AIDA: variants seen among roughly 807,000 people sequenced by gnomAD.
AIDA encodes axin interactor, dorsalization associated, also known as axin interactor, dorsalization-associated protein.
Under a neutral mutation model 42.7 loss-of-function variants are expected in AIDA, and 18 were observed. The ratio of observed to expected loss-of-function variants is 0.42; its 90% CI spans 0.29 to 0.63. AIDA has a LOEUF of 0.63. AIDA is among the 20% of genes least tolerant of loss of function. AIDA has a pLI of 0.19. For missense variants in AIDA, 250 were observed against 354.1 expected, an observed-to-expected ratio of 0.71 and a Z score of 2.36; for synonymous variants, 104 against 122.9, an observed-to-expected ratio of 0.85 and a Z score of 1.02.
intron 6 of AIDA, among the ~76,000 whole-genome samples, chr1:222,677,241 G>A (rs935390309): frequency 2.6e-5 from 4 of 152,002 alleles, no homozygotes; most frequent in African/African-American, 7.2e-5. Flanking sequence ...TACCTCTGCT[G>A]GCAGGAAGAA....
chr1:222,689,693 AAAAGTT>A (rs1238793737), intron 4 of AIDA, among the ~76,000 whole-genome samples: 1 of 151,112 alleles, frequency 6.6e-6, no homozygotes, highest in Non-Finnish European at 1.5e-5. Flanking sequence ...AAAAGTTTTA[AAAAGTT>A]AAAGTTAATA....
rs150723420 is a variant in AIDA at position 222,710,325 on chromosome 1, A to C, written c.110+1883T>G. ...GAGGACTACTAGAATCATGAAGTTC[A>C]ATGGTTAGTACTGAGGTCCAACAAT... On this transcript the variant is annotated intron_variant, in intron 1 of 9. Coordinates refer to ENST00000340020, the MANE Select transcript of AIDA (RefSeq NM_022831.4). Among the ~76,000 whole-genome samples, 226 of 152,352 alleles carry C rather than the reference A, an allele frequency of 1.5e-3. 6 individuals are homozygous for C. The South Asian group carries it at 0.021, about 14-fold the overall frequency.
chr1:222,673,710 G>A lies in AIDA; in HGVS notation c.584-275C>T, dbSNP rs374143186. On this transcript the variant is annotated intron_variant, in intron 7 of 9. Transcript: ENST00000340020. Reference sequence around the variant, plus strand: ...GGAGAATGGCGTGAACCCAGGAGGCGGAGCTTGCAGTGAGCCGAGATCGCA... The same window carrying A: ...GGAGAATGGCGTGAACCCAGGAGGCAGAGCTTGCAGTGAGCCGAGATCGCA... Among the ~76,000 whole-genome samples the A allele has an allele frequency of 9.4e-4, 143 of 151,594 alleles. 3 individuals carry two copies. Among genetic ancestry groups the A allele is most frequent in the African/African-American group, 1.6e-3 (65 of 41,292 alleles).
chr1:222,702,198 A>C (rs1266563254), intron 2 of AIDA, among the ~76,000 whole-genome samples: 1 of 152,192 alleles, frequency 6.6e-6, no homozygotes, highest in East Asian at 1.9e-4. Flanking sequence ...ATTCCTATAA[A>C]TAAGAGTCAA....
intron 4 of AIDA, among the ~76,000 whole-genome samples, chr1:222,693,473 A>G (rs1328257915): frequency 6.6e-6 from 1 of 152,200 alleles, no homozygotes; most frequent in Non-Finnish European, 1.5e-5. Flanking sequence ...ATCAATGACT[A>G]AAGCTTTATA....
At chr1:222,693,027 C>A (rs1655410026) in intron 4 of AIDA, among the ~76,000 whole-genome samples, 1 of 152,068 alleles carries the variant, frequency 6.6e-6, no homozygotes. Context: ...TGAAACAGAG[C>A]AAATCATTTC....
chr1:222,703,290 C>G, intron 1 of AIDA, 73 bp from the exon 2 acceptor site: 3 of 1,152,522 alleles, frequency 2.6e-6, no homozygotes, highest in Non-Finnish European at 3.7e-6. Flanking sequence ...CAATTTAAAG[C>G]TTTTTAACAT....
At chr1:222,696,234 AC>A (rs545668412) in intron 2 of AIDA, among the ~76,000 whole-genome samples, 40 of 152,340 alleles carry the variant, frequency 2.6e-4, no homozygotes, top group African/African-American at 9.6e-4. Context: ...CTCTCAAACA[AC>A]TGTTGCATAG....
chr1:222,706,815 C>G (rs1180090092), intron 1 of AIDA, among the ~76,000 whole-genome samples: 2 of 150,600 alleles, frequency 1.3e-5, no homozygotes, highest in Non-Finnish European at 3.0e-5. Context: ...AGATCACCCC[C>G]CTGCACTCCG....
intron 2 of AIDA, among the ~76,000 whole-genome samples, chr1:222,698,639 C>T (rs1448772793): frequency 1.3e-5 from 2 of 151,814 alleles, no homozygotes; most frequent in Admixed American, 6.6e-5. Flanking sequence ...TTAGTAGAGA[C>T]GGGGTTTCTC....
chr1:222,679,553 AC>A (rs1452367451), intron 6 of AIDA, among the ~76,000 whole-genome samples: 2 of 152,214 alleles, frequency 1.3e-5, no homozygotes, highest in Non-Finnish European at 2.9e-5. Flanking sequence ...ACATGTACTA[AC>A]TCATTTAATC....
At chr1:222,674,137 T>C (rs1369014354) in intron 7 of AIDA, among the ~76,000 whole-genome samples, 2 of 152,128 alleles carry the variant, frequency 1.3e-5, no homozygotes, top group African/African-American at 4.8e-5. Flanking sequence ...AGGGCGTATA[T>C]TTCATAAGGA....
At chr1:222,670,282 A>C (rs1299525106) in intron 8 of AIDA, 32 bp from the exon 9 acceptor site, 1 of 1,532,560 alleles carries the variant, frequency 6.5e-7, no homozygotes, top group Non-Finnish European at 9.0e-7. Flanking sequence ...CATAAACCAC[A>C]GATAGCACAT....
At chr1:222,701,301 T>A (rs1655697131) in intron 2 of AIDA, among the ~76,000 whole-genome samples, 1 of 152,144 alleles carries the variant, frequency 6.6e-6, no homozygotes. Context: ...GTGTTTTAGG[T>A]CAAATCACTT....
chr1:222,678,812 T>TA (rs932585359), intron 6 of AIDA, among the ~76,000 whole-genome samples: 1 of 152,198 alleles, frequency 6.6e-6, no homozygotes, highest in Non-Finnish European at 1.5e-5. Context: ...AGTCAACTCC[T>TA]ACACTCCCTT....
At chr1:222,670,912 G>C (rs1664435073) in intron 8 of AIDA, among the ~76,000 whole-genome samples, 1 of 152,174 alleles carries the variant, frequency 6.6e-6, no homozygotes, top group South Asian at 2.1e-4. Context: ...ATGAGCAAGT[G>C]ATAATGAGAA....
chr1:222,704,157 G>T (rs1201481686), intron 1 of AIDA, among the ~76,000 whole-genome samples: 1 of 152,116 alleles, frequency 6.6e-6, no homozygotes, highest in Non-Finnish European at 1.5e-5. Context: ...TCCTTATGGG[G>T]GAAAGAGAGA....
intron 6 of AIDA, among the ~76,000 whole-genome samples, chr1:222,680,198 C>T (rs1264111727): frequency 1.3e-5 from 2 of 152,096 alleles, no homozygotes; most frequent in African/African-American, 4.8e-5. Flanking sequence ...GTCTTTGAGC[C>T]TCATATGGCA....
At chr1:222,671,795 T>C (rs1480822862) in intron 8 of AIDA, among the ~76,000 whole-genome samples, 2 of 152,238 alleles carry the variant, frequency 1.3e-5, no homozygotes, top group African/African-American at 4.8e-5. Flanking sequence ...CAGAGGCATT[T>C]TGTCATTAGA....
Sources: gnomAD v4.1 joint callset for allele counts (sites outside exome capture counted in the v4.1 genomes callset) on GRCh38, gnomAD v4.1.1 for gene constraint, MANE v1.5 for transcripts, NCBI Gene and HGNC (gene_info 2026-07-23, HGNC 2026-07-21) for gene names.